EIF4G2: variants seen among roughly 807,000 people sequenced by gnomAD.
EIF4G2 encodes the protein eukaryotic translation initiation factor 4 gamma 2.
EIF4G2 carries 8 observed loss-of-function variants against 117.7 expected under a neutral mutation model. The observed-to-expected ratio is 0.07, with a 90% CI of 0.04 to 0.12. The LOEUF (loss-of-function observed/expected upper bound fraction) is 0.12, where lower values mean the gene tolerates loss of function less well. Ranked by LOEUF, EIF4G2 falls within the 10% of genes least tolerant of loss-of-function variation. EIF4G2 has a pLI of 1.00. For synonymous variants in EIF4G2, 413 were observed against 367.8 expected (o/e 1.12, Z -1.41); for missense variants, 812 against 1,086.2 (o/e 0.75, Z 3.55).
At chr11:10,798,338 C>CA (rs1282230365) in intron 21 of EIF4G2, among the ~76,000 whole-genome samples, 1 of 152,182 alleles carries the variant, frequency 6.6e-6, no homozygotes, top group East Asian at 1.9e-4. Context: ...AAGAAAAAAT[C>CA]AAATTGTGAG....
Position 10,799,596 on chromosome 11 carries a change from G to A in EIF4G2, c.2280C>T (p.Pro760=). 6.2e-7 allele frequency: 1 copy of A among 1,614,092 alleles called. No individual in the cohort carries two copies. The highest frequency in any genetic ancestry group is 8.5e-7 in the Non-Finnish European group (1 of 1,180,002). The change falls in exon 19 of 22, where the codon CCC becomes CCT. Residue 760 remains proline (P), a synonymous_variant. Transcript: ENST00000339995. ...CAAATCCTTTATCTACATGAAGTTT[G>A]GGAGAGATGTTATCTTTAATCCATT...
chr11:10,807,993 A>G (rs1847637761), intron 1 of EIF4G2: 27 of 1,040,794 alleles, frequency 2.6e-5, no homozygotes, highest in Non-Finnish European at 3.1e-5. Context: ...CAAGTTAGGG[A>G]AGTGCTTCCG....
intron 5 of EIF4G2, chr11:10,804,692 A>G (rs1847510268): frequency 3.3e-6 from 2 of 598,872 alleles, no homozygotes; most frequent in Admixed American, 6.2e-5. Context: ...AAGCACTCCC[A>G]TTTACCTCTT....
At position 10,803,169 on chromosome 11, in the gene EIF4G2, A is replaced by G. The variant is rs1847475012; in HGVS notation, c.898-41T>C. The G allele has an allele frequency of 1.2e-6, 2 of 1,606,796 alleles. No homozygotes were observed. The highest frequency in any genetic ancestry group is 1.7e-5 in the Admixed American group (1 of 58,706). On this transcript the variant is annotated intron_variant, in intron 10 of 21. Transcript: ENST00000339995. This position sits in a 1 kb window ranked among gnomAD's most constrained non-coding sequence, Gnocchi z 4.0. Reference sequence around the variant, plus strand: ...AATTTTATTTTAATATTCCTAAACCAAAAACTCAGCTTACCAACAAATTTA... The same window carrying G: ...AATTTTATTTTAATATTCCTAAACCGAAAACTCAGCTTACCAACAAATTTA...
intron 19 of EIF4G2, 24 bp downstream of exon 19, chr11:10,799,528 T>G (rs1303190854): frequency 6.2e-7 from 1 of 1,611,282 alleles, no homozygotes; most frequent in Non-Finnish European, 8.5e-7. Context: ...AACATTACCA[T>G]ATGCAGAAAA....
intron 1 of EIF4G2, chr11:10,807,856 G>C: frequency 1.0e-6 from 1 of 986,564 alleles, no homozygotes; most frequent in Non-Finnish European, 1.2e-6. Flanking sequence ...ACGCGCGAGA[G>C]GGGGCCGGGT....
In EIF4G2 at chr11:10,806,865, C is replaced by T. The variant is rs1027372794; in HGVS notation, c.62G>A (p.Gly21Glu). ...ATAGTGCTGAGGTGCACCCCTACTT[C>T]CTCCTCCGCCCGAAGAAGCACTATT... is the stretch of plus-strand genomic sequence containing the variant. Residue 21 changes from glycine (G) to glutamate (E), a missense_variant, in exon 3 of 22, where the codon GGA (glycine) becomes GAA (glutamate). Gly to Glu is a moderately conservative substitution (Grantham distance 98). Around this residue, in one of 4 missense-constraint regions of EIF4G2, gnomAD observed 79 missense variants for 91.5 expected, o/e 0.86. Coordinates refer to ENST00000339995, the MANE Select transcript of EIF4G2 (RefSeq NM_001418.4). 4 of 1,614,034 alleles carry T rather than the reference C, an allele frequency of 2.5e-6. No individual in the cohort carries two copies. The African/African-American group carries it at 5.3e-5, about 22-fold the overall frequency.
Position 10,797,917 on chromosome 11 carries a change from G to A in EIF4G2, c.2659-36C>T. 2 of 1,597,842 alleles carry A rather than the reference G, an allele frequency of 1.3e-6. No individual in the cohort carries two copies. The highest frequency in any genetic ancestry group is 1.1e-5 in the South Asian group (1 of 90,352). ...AGATTTGTAAATTAAAATAGTTCAT[G>A]ATATAAACAGAAATCCATCCAAAAA... On this transcript the variant is annotated intron_variant, in intron 21 of 21. Coordinates refer to ENST00000339995, the MANE Select transcript of EIF4G2 (RefSeq NM_001418.4). The surrounding 1 kb of genome is among the most constrained non-coding windows in gnomAD (Gnocchi z 4.5).
chr11:10,806,404 T>C (rs756253837), intron 3 of EIF4G2: 1 of 326,526 alleles, frequency 3.1e-6, no homozygotes, highest in Non-Finnish European at 5.7e-6. Context: ...CTCAAACTCT[T>C]GGGTTCAAGC....
In EIF4G2 at chr11:10,803,835, GAAT is replaced by G. The variant is rs1211765200; in HGVS notation, c.702+61_702+63del. ...TAACTAGTCAACCTCCCTCTTAGAT[GAAT>G]AATTGACTCATTTCCTCCAAACGAC... On this transcript the variant is annotated intron_variant, in intron 8 of 21. Coordinates refer to ENST00000339995, the MANE Select transcript of EIF4G2 (RefSeq NM_001418.4). The surrounding 1 kb of genome is among the most constrained non-coding windows in gnomAD (Gnocchi z 4.0). 3.9e-6 allele frequency: 6 copies of G among 1,550,736 alleles called. No homozygotes were observed. The East Asian group carries it at 6.8e-5, about 18-fold the overall frequency.
At chr11:10,806,743 C>G (rs1458894756) in intron 3 of EIF4G2, 77 bp downstream of exon 3, 2 of 1,525,186 alleles carry the variant, frequency 1.3e-6, no homozygotes, top group African/African-American at 2.7e-5. Context: ...TGGCTATTGC[C>G]TTAATTATAC....
intron 14 of EIF4G2, 164 bp downstream of exon 14, chr11:10,801,497 A>AG: frequency 1.3e-6 from 1 of 794,800 alleles, no homozygotes; most frequent in Non-Finnish European, 2.2e-6. Context: ...CTTCGCTCAC[A>AG]GGACGCTGGA....
rs531437476 is a variant in EIF4G2, at chr11:10,800,673, T to C, written c.1645-26A>G. On this transcript the variant is annotated intron_variant, in intron 16 of 21. Transcript: ENST00000339995. ...CTGTGAAGAACACAAGTATCTTTAATGTATTCTCTATCTCAAATACAGGCT... is the reference window on the plus strand; with the variant it reads ...CTGTGAAGAACACAAGTATCTTTAACGTATTCTCTATCTCAAATACAGGCT... 6 of 1,614,044 alleles carry C rather than the reference T, an allele frequency of 3.7e-6. No homozygotes were observed. The East Asian group carries it at 1.1e-4, about 30-fold the overall frequency.
chr11:10,803,627 T>A lies in EIF4G2; in HGVS notation c.703-37A>T. 1 of 1,549,146 alleles carries A rather than the reference T, an allele frequency of 6.5e-7. No homozygotes were observed. The highest frequency in any genetic ancestry group is 8.9e-7 in the Non-Finnish European group (1 of 1,124,600). ...AAAGGCCATGGTGACAAAGTTTTAG[T>A]TACTCTGGTTTAGGCGTAGTACTTT... On this transcript the variant is annotated intron_variant, in intron 8 of 21. Transcript: ENST00000339995. The surrounding 1 kb of genome is among the most constrained non-coding windows in gnomAD (Gnocchi z 4.0).
At chr11:10,807,788 TCAG>T (rs1847627312) in intron 1 of EIF4G2, 1 of 991,214 alleles carries the variant, frequency 1.0e-6, no homozygotes, top group Non-Finnish European at 1.2e-6. Flanking sequence ...CGAAAGCTCT[TCAG>T]CAGTTTTCCC....
intron 1 of EIF4G2, chr11:10,808,435 C>A: frequency 7.9e-7 from 1 of 1,261,762 alleles, no homozygotes; most frequent in Non-Finnish European, 1.0e-6. Context: ...CGGTCCGCCA[C>A]GGCCTCGTCC....
intron 4 of EIF4G2, 125 bp downstream of exon 4, chr11:10,805,782 A>G (rs1847550157): frequency 2.1e-6 from 3 of 1,401,622 alleles, no homozygotes; most frequent in South Asian, 1.2e-5. Flanking sequence ...AATTGCTACC[A>G]TGAGGATTCA....
rs775277252 is a variant in EIF4G2, at chr11:10,806,826, C to A, written c.101G>T (p.Gly34Val). The A allele has an allele frequency of 6.2e-7, 1 of 1,614,104 alleles. No individual in the cohort carries two copies. The highest frequency in any genetic ancestry group is 8.5e-7 in the Non-Finnish European group (1 of 1,179,980). ...TTTTACATGTTTACCACACCTGTTG[C>A]CAGCAGTCTTGGGATAGTGCTGAGG... Residue 34 changes from glycine (G) to valine (V), a missense_variant, in exon 3 of 22, where the codon GGC becomes GTC. By Grantham distance (109) the Gly-to-Val change is moderately radical. This residue lies in a region of EIF4G2 where 79 missense variants were observed against 91.5 expected (regional missense o/e 0.86). Transcript: ENST00000339995.
chr11:10,799,287 T>A lies in EIF4G2; in HGVS notation c.2462A>T (p.His821Leu). ...ACTGACTTGTAGATCAACGTGATCA[T>A]GAAGAAATTTCTGCATTACTGGCTT... The change falls in exon 20 of 22, where the codon CAT becomes CTT. Residue 821 changes from histidine (H) to leucine (L), a missense_variant. His to Leu is a moderately conservative substitution (Grantham distance 99, BLOSUM62 -3). Transcript: ENST00000339995. The A allele has an allele frequency of 6.2e-7, 1 of 1,614,194 alleles. No homozygotes were observed. Among genetic ancestry groups the A allele is most frequent in the Non-Finnish European group, 8.5e-7 (1 of 1,180,032 alleles).
Sources: gnomAD v4.1 joint callset for allele counts (sites outside exome capture counted in the v4.1 genomes callset) on GRCh38, gnomAD v4.1.1 for gene constraint, gnomAD v4.1.1 regional missense constraint, Gnocchi (gnomAD v3.1) non-coding constraint, MANE v1.5 for transcripts, NCBI Gene and HGNC (gene_info 2026-07-23, HGNC 2026-07-21) for gene names.